The following TMEM54 variants were observed in gnomAD, a reference collection of about 807,000 sequenced individuals.
TMEM54 encodes the protein transmembrane protein 54.
Under a neutral mutation model 21.3 loss-of-function variants are expected in TMEM54, and 21 were observed. The ratio of observed to expected loss-of-function variants is 0.99; its 90% CI spans 0.70 to 1.42. The LOEUF (loss-of-function observed/expected upper bound fraction) is 1.42, where lower values mean the gene tolerates loss of function less well. Ranked by LOEUF, TMEM54 falls within the 40% of genes most tolerant of loss-of-function variation. The pLI is 0.00. For missense variants in TMEM54, 246 were observed against 294.0 expected (o/e 0.84, Z 1.19); for synonymous variants, 109 against 125.0 (o/e 0.87, Z 0.86).
In TMEM54 at chr1:32,895,136, G is replaced by A. The variant is rs1248184753; in HGVS notation, c.594+169C>T. On this transcript the variant is annotated intron_variant, in intron 5 of 5. Transcript: ENST00000373463. This position sits in a 1 kb window ranked among gnomAD's most constrained non-coding sequence, Gnocchi z 5.8. ...TGTCAGCTGTGTGACTCTGCTGGGA[G>A]ATCTCACCTCTCCCAGCCTCCAGGC... 6.6e-6 allele frequency among the ~76,000 whole-genome samples: 1 copy of A among 152,108 alleles called. No homozygotes were observed. The highest frequency in any genetic ancestry group is 2.4e-5 in the African/African-American group (1 of 41,430).
intron 1 of TMEM54, among the ~76,000 whole-genome samples, chr1:32,899,132 G>A (rs1035494531): frequency 9.2e-5 from 14 of 152,134 alleles, no homozygotes; most frequent in Admixed American, 4.6e-4. Context: ...TGCACATGCC[G>A]GCTCCCGACC....
At position 32,894,811 on chromosome 1, in the gene TMEM54, G is replaced by C. The variant is rs150537161; in HGVS notation, c.663C>G (p.Thr221=). Residue 221 remains threonine, a synonymous_variant, in exon 6 of 6, where the codon ACC becomes ACG. Coordinates refer to ENST00000373463, the MANE Select transcript of TMEM54 (RefSeq NM_033504.4). ...LLSCTSSEPL[T]L ...CTGGGCAGGACATCATCTCTCAGAG[G>C]GTCAGAGGCTCAGAGCTGGTGCAGC... 228 of 1,610,924 alleles carry C rather than the reference G, an allele frequency of 1.4e-4. 1 individual carries two copies. In the African/African-American group the frequency reaches 2.6e-3, roughly 18 times the overall value.
At chr1:32,899,347 G>T (rs1641672477) in intron 1 of TMEM54, among the ~76,000 whole-genome samples, 2 of 150,870 alleles carry the variant, frequency 1.3e-5, no homozygotes, top group South Asian at 4.2e-4. Context: ...CTCATCTGTG[G>T]TAGAGCGGTT....
At chr1:32,899,341 T>A (rs1641672290) in intron 1 of TMEM54, among the ~76,000 whole-genome samples, 1 of 148,676 alleles carries the variant, frequency 6.7e-6, no homozygotes, top group Admixed American at 6.8e-5. Flanking sequence ...CCTCTCCTCA[T>A]CTGTGGTAGA....
Position 32,898,136 on chromosome 1 carries a change from G to C in TMEM54, c.200C>G (p.Ser67Cys), listed in dbSNP as rs1288659859. 1.3e-6 allele frequency: 2 copies of C among 1,595,376 alleles called. No homozygotes were observed. The highest frequency in any genetic ancestry group is 2.7e-5 in the African/African-American group (2 of 74,610). Reference sequence around the variant, plus strand: ...CCAGCCTGGCCATACCACGATGGCGGAAGTGACAGAGAGGATGTTGACCAC... The same window carrying C: ...CCAGCCTGGCCATACCACGATGGCGCAAGTGACAGAGAGGATGTTGACCAC... ...YCVVNILSVT[S>C]AIVVITSGIA... is the part of the protein sequence containing the mutation. Residue 67 changes from serine to cysteine, a missense_variant, in exon 2 of 6, where the codon TCC becomes TGC. Ser to Cys is a moderately radical substitution (Grantham distance 112, BLOSUM62 -1). Transcript: ENST00000373463.
chr1:32,899,136 C>T (rs1249204866), intron 1 of TMEM54, among the ~76,000 whole-genome samples: 2 of 152,174 alleles, frequency 1.3e-5, no homozygotes. Flanking sequence ...CATGCCGGCT[C>T]CCGACCTGCT....
intron 1 of TMEM54, chr1:32,898,567 T>C: frequency 4.4e-6 from 2 of 453,416 alleles, no homozygotes; most frequent in South Asian, 5.1e-5. Context: ...CAGTAGCACT[T>C]GTTAGTGTTC....
rs917422189 is a variant in TMEM54 at position 32,896,861 on chromosome 1, A to G, written c.211-892T>C. Among the ~76,000 whole-genome samples the G allele has an allele frequency of 1.3e-5, 2 of 152,268 alleles. No individual in the cohort carries two copies. Among genetic ancestry groups the G allele is most frequent in the Admixed American group, 1.3e-4 (2 of 15,292 alleles). On this transcript the variant is annotated intron_variant, in intron 2 of 5. Coordinates refer to ENST00000373463, the MANE Select transcript of TMEM54 (RefSeq NM_033504.4). This position sits in a 1 kb window ranked among gnomAD's most constrained non-coding sequence, Gnocchi z 4.1. Reference sequence around the variant, plus strand: ...TGTGGGCTTAGCCCCACTCTGCAGGATGAGCTGACAGAAAGGACACTGGTT... The same window carrying G: ...TGTGGGCTTAGCCCCACTCTGCAGGGTGAGCTGACAGAAAGGACACTGGTT...
At position 32,896,411 on chromosome 1, in the gene TMEM54, A is replaced by C. The variant is rs904584220; in HGVS notation, c.211-442T>G. The C allele has an allele frequency of 6.4e-6, 1 of 155,208 alleles. No homozygotes were observed. The highest frequency in any genetic ancestry group is 2.4e-5 in the African/African-American group (1 of 41,508). 9.6% of individuals were successfully genotyped at this position (155,208 alleles called of 1,614,324 possible). A position where few individuals can be genotyped will look rare whatever the true frequency, so the allele number is the denominator to read the frequency against. The stretch of plus-strand genomic sequence containing the variant: ...TTTTAAATCTCTGGGAGTATTTTCA[A>C]TGATTCCAGGCTCTCAGTGACCAGA... On this transcript the variant is annotated intron_variant, in intron 2 of 5. Transcript: ENST00000373463. The surrounding 1 kb of genome is among the most constrained non-coding windows in gnomAD (Gnocchi z 4.1).
rs200941857 is a variant in TMEM54, at chr1:32,898,368, G to A, written c.17-49C>T. ...GCTGTGCGTGGGGCTTATCCTGCTG[G>A]GCAGAAGGGGAAGCTGAGGCCCTGG... On this transcript the variant is annotated intron_variant, in intron 1 of 5. Coordinates refer to ENST00000373463, the MANE Select transcript of TMEM54 (RefSeq NM_033504.4). 1.1e-5 allele frequency: 17 copies of A among 1,526,196 alleles called. No homozygotes were observed. In the African/African-American group the frequency reaches 1.8e-4, roughly 16 times the overall value. 94.5% of individuals were successfully genotyped at this position (1,526,196 alleles called of 1,614,324 possible).
chr1:32,895,582 G>T lies in TMEM54; in HGVS notation c.432C>A (p.Asp144Glu). ...AAATGCGTGTGGGGTCGAAGGGACAGTCAGGTGCGAGGGCCAGTAGTTCAG... is the reference window on the plus strand; with the variant it reads ...AAATGCGTGTGGGGTCGAAGGGACATTCAGGTGCGAGGGCCAGTAGTTCAG... Reference protein sequence around the residue: ...GSSELLALAPDCPFDPTRIYS... With the variant: ...GSSELLALAPECPFDPTRIYS... The change falls in exon 4 of 6, where the codon GAC becomes GAA. Residue 144 changes from aspartate to glutamate, a missense_variant. Coordinates refer to ENST00000373463, the MANE Select transcript of TMEM54 (RefSeq NM_033504.4). The surrounding 1 kb of genome is among the most constrained non-coding windows in gnomAD (Gnocchi z 5.8). 1 of 1,588,678 alleles carries T rather than the reference G, an allele frequency of 6.3e-7. No individual in the cohort carries two copies. The highest frequency in any genetic ancestry group is 1.3e-5 in the African/African-American group (1 of 74,832).
At chr1:32,898,384 G>A in intron 1 of TMEM54, 65 bp from the exon 2 acceptor site, 1 of 1,477,168 alleles carries the variant, frequency 6.8e-7, no homozygotes, top group Non-Finnish European at 9.3e-7. Flanking sequence ...AGGGGAAGCT[G>A]AGGCCCTGGC....
rs766138083 is a variant in TMEM54, at chr1:32,895,776, C to T, written c.271-33G>A. The T allele has an allele frequency of 5.2e-5, 81 of 1,547,880 alleles. No individual in the cohort carries two copies. In the Middle Eastern group the frequency reaches 2.1e-3, roughly 41 times the overall value. On this transcript the variant is annotated intron_variant, in intron 3 of 5. Transcript: ENST00000373463. The surrounding 1 kb of genome is among the most constrained non-coding windows in gnomAD (Gnocchi z 5.8). Reference sequence around the variant, plus strand: ...GGGGAGGCCACTGGTCAATGGGCGTCGTGCTTGGCCCCCATGGGCAGCTCT... The same window carrying T: ...GGGGAGGCCACTGGTCAATGGGCGTTGTGCTTGGCCCCCATGGGCAGCTCT...
At chr1:32,899,192 C>T (rs1217737013) in intron 1 of TMEM54, among the ~76,000 whole-genome samples, 1 of 152,096 alleles carries the variant, frequency 6.6e-6, no homozygotes, top group African/African-American at 2.4e-5. Context: ...CAAGGAGACA[C>T]ACCACACCCC....
chr1:32,901,222 C>G lies in TMEM54; in HGVS notation c.16+1G>C. The G allele has an allele frequency of 6.7e-7, 1 of 1,490,174 alleles. No homozygotes were observed. Among genetic ancestry groups the G allele is most frequent in the South Asian group, 1.3e-5 (1 of 76,296 alleles). 92.3% of individuals were successfully genotyped at this position (1,490,174 alleles called of 1,614,324 possible). On this transcript the variant is annotated splice_donor_variant, in intron 1 of 5. Coordinates refer to ENST00000373463, the MANE Select transcript of TMEM54 (RefSeq NM_033504.4). LOFTEE classifies it high-confidence loss of function. This position sits in a 1 kb window ranked among gnomAD's most constrained non-coding sequence, Gnocchi z 4.2. Reference sequence around the variant, plus strand: ...CCTCCCGCGCGCCCCCAGTCGCTCACCGAGGCGCAGACACATGTCGGCTCC... The same window carrying G: ...CCTCCCGCGCGCCCCCAGTCGCTCAGCGAGGCGCAGACACATGTCGGCTCC...
At position 32,896,298 on chromosome 1, in the gene TMEM54, AG is replaced by A. The variant is rs1641599385; in HGVS notation, c.211-330del. 1 of 238,060 alleles carries A rather than the reference AG, an allele frequency of 4.2e-6. No individual in the cohort carries two copies. Among genetic ancestry groups the A allele is most frequent in the Non-Finnish European group, 8.1e-6 (1 of 124,162 alleles). The allele number at this position is 238,060 out of a possible 1,614,324, so 14.7% of individuals were successfully genotyped here. On this transcript the variant is annotated intron_variant, in intron 2 of 5. Coordinates refer to ENST00000373463, the MANE Select transcript of TMEM54 (RefSeq NM_033504.4). The surrounding 1 kb of genome is among the most constrained non-coding windows in gnomAD (Gnocchi z 4.1). The stretch of plus-strand genomic sequence containing the variant: ...GGGACACCCCTTTCTGGAATGAAAA[AG>A]ATTGTGGAAGAAACTAACCCAGTTA...
Position 32,895,534 on chromosome 1 carries a change from A to G in TMEM54, c.459+21T>C. On this transcript the variant is annotated intron_variant, in intron 4 of 5. Coordinates refer to ENST00000373463, the MANE Select transcript of TMEM54 (RefSeq NM_033504.4). The surrounding 1 kb of genome is among the most constrained non-coding windows in gnomAD (Gnocchi z 5.8). Reference sequence around the variant, plus strand: ...ACCCGTGCGAGGGCCTGGTGCCCCTACTCCAGGCCTAGGTACTCACATAAA... The same window carrying G: ...ACCCGTGCGAGGGCCTGGTGCCCCTGCTCCAGGCCTAGGTACTCACATAAA... 6.3e-7 allele frequency: 1 copy of G among 1,589,898 alleles called. No individual in the cohort carries two copies. The highest frequency in any genetic ancestry group is 1.1e-5 in the South Asian group (1 of 88,366).
In TMEM54 at chr1:32,895,699, A is replaced by C; in HGVS notation, c.315T>G (p.Ser105=). Residue 105 remains serine, a synonymous_variant, in exon 4 of 6, where the codon TCT becomes TCG. Transcript: ENST00000373463. The surrounding 1 kb of genome is among the most constrained non-coding windows in gnomAD (Gnocchi z 5.8). ...CCAAGAGGCCGAGGGCACAGGTCAG[A>C]GAAAGGAGAGCACAGGCCACGCTCG... ...FSSSVACALL[S]LTCALGLLAS... is the part of the protein sequence containing the mutation. 1 of 1,560,462 alleles carries C rather than the reference A, an allele frequency of 6.4e-7. No individual in the cohort carries two copies.
rs182355249 is a variant in TMEM54 at position 32,897,392 on chromosome 1, C to T, written c.210+734G>A. ...CGAGGCTGTGGCCACTTGTGCTGAC[C>T]GGCAAGAAAGAGCTTTAGAAACTTG... On this transcript the variant is annotated intron_variant, in intron 2 of 5. Transcript: ENST00000373463. The surrounding 1 kb of genome is among the most constrained non-coding windows in gnomAD (Gnocchi z 4.9). 2.6e-5 allele frequency among the ~76,000 whole-genome samples: 4 copies of T among 152,290 alleles called. No individual in the cohort carries two copies. Among genetic ancestry groups the T allele is most frequent in the East Asian group, 1.9e-4 (1 of 5,184 alleles).
Sources: gnomAD v4.1 joint callset for allele counts (sites outside exome capture counted in the v4.1 genomes callset) on GRCh38, gnomAD v4.1.1 for gene constraint, Gnocchi (gnomAD v3.1) non-coding constraint, MANE v1.5 for transcripts, NCBI Gene and HGNC (gene_info 2026-07-23, HGNC 2026-07-21) for gene names.